The following TCF3 variants were observed in gnomAD, a reference collection of about 807,000 sequenced individuals.
The protein encoded by TCF3 is transcription factor E2-alpha.
TCF3 carries 54 observed loss-of-function variants against 72.3 expected under a neutral mutation model. The ratio of observed to expected loss-of-function variants is 0.75; its 90% CI spans 0.60 to 0.94. TCF3 has a LOEUF of 0.94. Ranked by LOEUF, TCF3 falls within the 40% of genes least tolerant of loss-of-function variation. The probability of loss-of-function intolerance (pLI) is 0.00; values close to 1 mark genes in which losing one functional copy is unlikely to be tolerated. For missense variants in TCF3, 1,078 were observed against 934.4 expected (o/e 1.15, Z -2.00); for synonymous variants, 525 against 412.6 (o/e 1.27, Z -3.30).
intron 16 of TCF3, among the ~76,000 whole-genome samples, chr19:1,617,285 G>A (rs543678845): frequency 5.3e-5 from 8 of 152,312 alleles, no homozygotes; most frequent in East Asian, 3.9e-4. Context: ...CCCCACGCCC[G>A]GGCCAGGGCC....
At chr19:1,623,433 G>A (rs796490401) in intron 8 of TCF3, among the ~76,000 whole-genome samples, 1 of 150,934 alleles carries the variant, frequency 6.6e-6, no homozygotes, top group Non-Finnish European at 1.5e-5. Context: ...GCTCAGGCTG[G>A]AGGGCAGCGG....
At chr19:1,636,711 C>T (rs1224523616) in intron 3 of TCF3, among the ~76,000 whole-genome samples, 5 of 152,162 alleles carry the variant, frequency 3.3e-5, no homozygotes, top group Admixed American at 1.3e-4. Context: ...TCAGGGCCCG[C>T]AGGCTGTGTA....
intron 3 of TCF3, among the ~76,000 whole-genome samples, chr19:1,637,895 C>T (rs531636259): frequency 2.0e-5 from 3 of 151,558 alleles, no homozygotes; most frequent in South Asian, 2.1e-4. Context: ...GGCAATAGAG[C>T]GAGACTCCAC....
At chr19:1,649,557 T>C (rs1353785393) in intron 2 of TCF3, among the ~76,000 whole-genome samples, 1 of 152,156 alleles carries the variant, frequency 6.6e-6, no homozygotes, top group East Asian at 1.9e-4. Flanking sequence ...ACCACAGGCA[T>C]CTACCACCAC....
chr19:1,633,185 G>A (rs2063930345), intron 3 of TCF3, among the ~76,000 whole-genome samples: 1 of 152,202 alleles, frequency 6.6e-6, no homozygotes. Flanking sequence ...GGCCTGCTTG[G>A]ATCCTTCCCC....
At chr19:1,644,393 G>C (rs2065770099) in intron 3 of TCF3, among the ~76,000 whole-genome samples, 1 of 144,600 alleles carries the variant, frequency 6.9e-6, no homozygotes, top group Admixed American at 6.8e-5. Flanking sequence ...GGACTGAACG[G>C]GGAGGGGGTC....
chr19:1,622,475 G>GC, intron 8 of TCF3, 60 bp from the exon 9 acceptor site: 1 of 967,448 alleles, frequency 1.0e-6, no homozygotes, highest in East Asian at 2.8e-5. Flanking sequence ...ATCAGCCCAT[G>GC]CACCTTGCCG....
intron 18 of TCF3, among the ~76,000 whole-genome samples, 190 bp from the exon 19 acceptor site, chr19:1,612,039 G>A (rs889759387): frequency 6.6e-6 from 1 of 151,938 alleles, no homozygotes; most frequent in Non-Finnish European, 1.5e-5. Flanking sequence ...TTGTAAAGAA[G>A]AGAGTGGGTA....
intron 3 of TCF3, among the ~76,000 whole-genome samples, chr19:1,641,092 G>T (rs1449844630): frequency 2.6e-5 from 4 of 151,366 alleles, no homozygotes; most frequent in Non-Finnish European, 5.9e-5. Context: ...GGAGGCGGAG[G>T]CGGAGGTTGC....
chr19:1,623,382 CTT>C (rs371876498), intron 8 of TCF3, among the ~76,000 whole-genome samples: 5,744 of 129,670 alleles, frequency 0.044, 137 homozygotes, highest in Non-Finnish European at 0.064. Context: ...GCACCCCCCG[CTT>C]TTTTTTTTTT....
rs537417919 is a variant in TCF3, at chr19:1,619,139, G to A, written c.1422C>T (p.Asp474=). The change falls in exon 16 of 19, where the codon GAC becomes GAT. Residue 474 remains aspartate, a synonymous_variant. Transcript: ENST00000262965. ...TGTAGGAGTCGGGAGGCCGAGACAG[G>A]TCAGGGAGGGTGCCTGGCTGGCTGG... ...ALPSQPGTLP[D]LSRPPDSYSG... 6.3e-7 allele frequency: 1 copy of A among 1,599,810 alleles called. No homozygotes were observed. Among genetic ancestry groups the A allele is most frequent in the Non-Finnish European group, 8.5e-7 (1 of 1,179,778 alleles).
At chr19:1,616,237 G>A (rs1334105857) in intron 16 of TCF3, among the ~76,000 whole-genome samples, 1 of 152,150 alleles carries the variant, frequency 6.6e-6, no homozygotes, top group African/African-American at 2.4e-5. Flanking sequence ...CATTTTGGGA[G>A]GCCGAGGTGG....
chr19:1,621,445 C>G (rs2062195801), intron 11 of TCF3, among the ~76,000 whole-genome samples: 1 of 151,902 alleles, frequency 6.6e-6, no homozygotes, highest in South Asian at 2.1e-4. Context: ...CCCTCTGGGC[C>G]TGGATGGGTG....
Position 1,622,340 on chromosome 19 carries a change from T to G in TCF3, c.625A>C (p.Thr209Pro). 6.5e-7 allele frequency: 1 copy of G among 1,529,842 alleles called. No homozygotes were observed. The highest frequency in any genetic ancestry group is 1.3e-5 in the South Asian group (1 of 79,056). 94.8% of individuals were successfully genotyped at this position (1,529,842 alleles called of 1,614,324 possible). The change falls in exon 9 of 19, where the codon ACC becomes CCC. Residue 209 changes from threonine to proline, a missense_variant. By Grantham distance (38) the Thr-to-Pro change is conservative. Coordinates refer to ENST00000262965, the MANE Select transcript of TCF3 (RefSeq NM_003200.5). Reference protein sequence around the residue: ...AYPSAKTPSSTYPAPFYVADG... With the variant: ...AYPSAKTPSSPYPAPFYVADG... ...GCCACGTAGAAGGGGGCGGGATAGG[T>G]GCTGCTGGGGGTCTTGGCGGACGGG...
rs1188846023 is a variant in TCF3 at position 1,615,003 on chromosome 19, T to C, written c.1822+282A>G. On this transcript the variant is annotated intron_variant, in intron 18 of 18. Coordinates refer to ENST00000262965, the MANE Select transcript of TCF3 (RefSeq NM_003200.5). This position sits in a 1 kb window ranked among gnomAD's most constrained non-coding sequence, Gnocchi z 7.3. ...GCCCCGTGGAGCTGGGAGATACAGT[T>C]CTGAGCCACAGAGCCCAGGCCTGAA... Among the ~76,000 whole-genome samples the C allele has an allele frequency of 1.3e-5, 2 of 151,992 alleles. No individual in the cohort carries two copies. Among genetic ancestry groups the C allele is most frequent in the East Asian group, 3.9e-4 (2 of 5,162 alleles).
Position 1,645,818 on chromosome 19 carries a change from C to T in TCF3, c.145+537G>A, listed in dbSNP as rs76923044. Among the ~76,000 whole-genome samples, 1,004 of 152,290 alleles carry T rather than the reference C, an allele frequency of 6.6e-3. 19 individuals are homozygous for T. Among genetic ancestry groups the T allele is most frequent in the African/African-American group, 0.023 (947 of 41,544 alleles). On this transcript the variant is annotated intron_variant, in intron 3 of 18. Coordinates refer to ENST00000262965, the MANE Select transcript of TCF3 (RefSeq NM_003200.5). The stretch of plus-strand genomic sequence containing the variant: ...TGTTTCTGCTTTGAGCACTCAAAGC[C>T]GCGGGTCCCAGGAATTGCCCCTCAG...
Position 1,615,611 on chromosome 19 carries a change from C to T in TCF3, c.1586+75G>A, listed in dbSNP as rs763513002. On this transcript the variant is annotated intron_variant, in intron 17 of 18. Transcript: ENST00000262965. The surrounding 1 kb of genome is among the most constrained non-coding windows in gnomAD (Gnocchi z 7.3). The stretch of plus-strand genomic sequence containing the variant: ...CGCCGACGGCCTCCCAGTGTGGGTG[C>T]GGTGTGCGTGTGGCCTGTGCACATG... 69 of 1,461,072 alleles carry T rather than the reference C, an allele frequency of 4.7e-5. No homozygotes were observed. In the African/African-American group the frequency reaches 6.2e-4, roughly 13 times the overall value. 90.5% of individuals were successfully genotyped at this position (1,461,072 alleles called of 1,614,324 possible).
rs539482317 is a variant in TCF3, at chr19:1,632,216, C to T, written c.220-100G>A. On this transcript the variant is annotated intron_variant, in intron 4 of 18. Transcript: ENST00000262965. ...GAGGCAGGACTCAAACCCATGTCCC[C>T]CAGTCCAAACCCCTGGAAGGCTGGC... 4.5e-6 allele frequency: 7 copies of T among 1,548,644 alleles called. No individual in the cohort carries two copies. In the East Asian group the frequency reaches 1.2e-4, roughly 27 times the overall value.
intron 3 of TCF3, among the ~76,000 whole-genome samples, chr19:1,641,038 T>C (rs1166541410): frequency 6.6e-6 from 1 of 150,780 alleles, no homozygotes; most frequent in Non-Finnish European, 1.5e-5. Context: ...TATTCCCAGC[T>C]ACTCAGGAGG....
Sources: allele counts gnomAD v4.1 joint callset (sites outside exome capture counted in the v4.1 genomes callset), GRCh38; gene constraint gnomAD v4.1.1; non-coding constraint Gnocchi (gnomAD v3.1); transcripts MANE v1.5; gene names NCBI Gene and HGNC (gene_info 2026-07-23, HGNC 2026-07-21).